POLR3B: variants seen among roughly 807,000 people sequenced by gnomAD.
POLR3B encodes RNA polymerase III subunit B, also known as DNA-directed RNA polymerase III subunit RPC2.
In POLR3B, 96 loss-of-function variants were observed where a neutral mutation model predicts 147.4. The observed-to-expected ratio is 0.65, with a 90% CI of 0.55 to 0.77. The LOEUF (loss-of-function observed/expected upper bound fraction) is 0.77. Among genes scored for constraint, POLR3B ranks in the 30% least tolerant of loss-of-function variants. The probability of loss-of-function intolerance (pLI) is 0.00; values close to 1 mark genes in which losing one functional copy is unlikely to be tolerated. For synonymous variants in POLR3B, 461 were observed against 485.9 expected (o/e 0.95, Z 0.67); for missense variants, 1,036 against 1,413.5 (o/e 0.73, Z 4.28).
intron 7 of POLR3B, among the ~76,000 whole-genome samples, chr12:106,377,719 C>T (rs575656804): frequency 1.3e-5 from 2 of 152,208 alleles, no homozygotes; most frequent in African/African-American, 4.8e-5. Context: ...ATTCATAGAC[C>T]AATAAGATAC....
intron 23 of POLR3B, among the ~76,000 whole-genome samples, chr12:106,490,426 T>TAAAAA (rs2038392521): frequency 6.6e-6 from 1 of 152,222 alleles, no homozygotes; most frequent in Non-Finnish European, 1.5e-5. Flanking sequence ...AACTGTATTG[T>TAAAAA]CTTCTAGCGC....
chr12:106,504,022 C>G lies in POLR3B; in HGVS notation c.3099-59C>G. On this transcript the variant is annotated intron_variant, in intron 26 of 27. Coordinates refer to ENST00000228347, the MANE Select transcript of POLR3B (RefSeq NM_018082.6). The surrounding 1 kb of genome is among the most constrained non-coding windows in gnomAD (Gnocchi z 4.6). The stretch of plus-strand genomic sequence containing the variant: ...TCGTGCTCTCTGCCAGCATGTGATG[C>G]TACCTCTTTGTTTGTTTAACAGAAT... The G allele has an allele frequency of 6.7e-7, 1 of 1,497,908 alleles. No homozygotes were observed. The highest frequency in any genetic ancestry group is 9.3e-7 in the Non-Finnish European group (1 of 1,073,992). 92.8% of individuals were successfully genotyped at this position (1,497,908 alleles called of 1,614,324 possible).
chr12:106,491,213 A>G (rs2038404356), intron 23 of POLR3B, among the ~76,000 whole-genome samples: 1 of 152,196 alleles, frequency 6.6e-6, no homozygotes, highest in Admixed American at 6.5e-5. Flanking sequence ...TTGCTTCATG[A>G]GATAGGTGCT....
At chr12:106,494,068 C>G (rs1209709560) in intron 23 of POLR3B, among the ~76,000 whole-genome samples, 1 of 151,946 alleles carries the variant, frequency 6.6e-6, no homozygotes, top group Non-Finnish European at 1.5e-5. Flanking sequence ...AACAACTTCC[C>G]CAGAAGGAAG....
intron 9 of POLR3B, among the ~76,000 whole-genome samples, chr12:106,388,200 T>C (rs939869327): frequency 6.6e-6 from 1 of 152,244 alleles, no homozygotes; most frequent in Non-Finnish European, 1.5e-5. Context: ...ACATTTTGTA[T>C]TCCCAAGTAT....
Position 106,357,860 on chromosome 12 carries a change from C to T in POLR3B, c.-20C>T, listed in dbSNP as rs373504825. 79 of 1,611,860 alleles carry T rather than the reference C, an allele frequency of 4.9e-5. No homozygotes were observed. The South Asian group carries it at 5.0e-4, about 10-fold the overall frequency. On this transcript the variant is annotated 5_prime_UTR_variant, in exon 1 of 28. Transcript: ENST00000228347. Reference sequence around the variant, plus strand: ...GCGGGCGCGGAGGTTCTATCTGTTTCTTCCTCCTTCGTGAGCAGCATGGAC... The same window carrying T: ...GCGGGCGCGGAGGTTCTATCTGTTTTTTCCTCCTTCGTGAGCAGCATGGAC...
chr12:106,424,540 A>G (rs1213458864), intron 12 of POLR3B, among the ~76,000 whole-genome samples: 2 of 152,210 alleles, frequency 1.3e-5, no homozygotes, highest in African/African-American at 4.8e-5. Flanking sequence ...ATTTTTTAAT[A>G]AAGAGTACTT....
At chr12:106,416,861 T>G (rs1417454814) in intron 12 of POLR3B, among the ~76,000 whole-genome samples, 1 of 151,982 alleles carries the variant, frequency 6.6e-6, no homozygotes, top group Non-Finnish European at 1.5e-5. Flanking sequence ...TTCTCAAACA[T>G]ACCATAATGC....
At chr12:106,495,883 C>A in intron 23 of POLR3B, 172 bp from the exon 24 acceptor site, 124 of 694,346 alleles carry the variant, frequency 1.8e-4, no homozygotes, top group East Asian at 2.4e-4. Context: ...CGTTTTTGAA[C>A]TGTTTGTCAA....
At chr12:106,433,913 T>A in intron 16 of POLR3B, 41 bp downstream of exon 16, 1 of 1,516,764 alleles carries the variant, frequency 6.6e-7, no homozygotes, top group Non-Finnish European at 9.1e-7. Flanking sequence ...TAAGAATCTC[T>A]TTATATTTGC....
intron 9 of POLR3B, among the ~76,000 whole-genome samples, chr12:106,387,835 G>C (rs184239551): frequency 6.6e-6 from 1 of 152,334 alleles, no homozygotes; most frequent in Admixed American, 6.5e-5. Context: ...GAGAGTTGCT[G>C]TGAAGAGCAA....
At chr12:106,483,352 G>A (rs1007644858) in intron 23 of POLR3B, among the ~76,000 whole-genome samples, 1 of 152,122 alleles carries the variant, frequency 6.6e-6, no homozygotes, top group Non-Finnish European at 1.5e-5. Flanking sequence ...AAACCTATTC[G>A]GTCATTTTTA....
intron 13 of POLR3B, among the ~76,000 whole-genome samples, 170 bp from the exon 14 acceptor site, chr12:106,430,103 A>C (rs970441890): frequency 6.6e-6 from 1 of 152,218 alleles, no homozygotes; most frequent in Non-Finnish European, 1.5e-5. Flanking sequence ...CCAGCAAGTG[A>C]CTTGACTAAA....
At chr12:106,465,077 A>C (rs1227271211) in intron 23 of POLR3B, among the ~76,000 whole-genome samples, 1 of 152,112 alleles carries the variant, frequency 6.6e-6, no homozygotes, top group Non-Finnish European at 1.5e-5. Context: ...TGAGTTTCTA[A>C]TGTTTTATAT....
intron 9 of POLR3B, among the ~76,000 whole-genome samples, chr12:106,388,199 A>G (rs2036866116): frequency 6.6e-6 from 1 of 152,192 alleles, no homozygotes; most frequent in African/African-American, 2.4e-5. Context: ...TACATTTTGT[A>G]TTCCCAAGTA....
chr12:106,396,917 C>T (rs1393859016), intron 10 of POLR3B, among the ~76,000 whole-genome samples: 1 of 151,944 alleles, frequency 6.6e-6, no homozygotes, highest in African/African-American at 2.4e-5. Flanking sequence ...CATAGTGAGA[C>T]CCTGTTTCTA....
At chr12:106,357,996 C>A in intron 1 of POLR3B, 45 bp downstream of exon 1, 1 of 1,604,016 alleles carries the variant, frequency 6.2e-7, no homozygotes, top group African/African-American at 1.3e-5. Flanking sequence ...AGGATGCGCC[C>A]TGAGGGGGCG....
rs1057457305 is a variant in POLR3B at position 106,454,551 on chromosome 12, A to G, written c.2133A>G (p.Leu711=). The change falls in exon 20 of 28, where the codon CTA becomes CTG. Residue 711 remains leucine (L), a synonymous_variant. Transcript: ENST00000228347. ...ACAGAATTGATACTCTCATGTATCT[A>G]CTAGCATATCCACAAAAACCCATGG... The part of the protein sequence containing the change: ...QRNRIDTLMY[L]LAYPQKPMVK... 1.9e-6 allele frequency: 3 copies of G among 1,608,472 alleles called. No homozygotes were observed. The highest frequency in any genetic ancestry group is 2.6e-6 in the Non-Finnish European group (3 of 1,174,944).
intron 11 of POLR3B, among the ~76,000 whole-genome samples, chr12:106,408,358 T>A (rs79976430): frequency 6.6e-6 from 1 of 152,216 alleles, no homozygotes; most frequent in Non-Finnish European, 1.5e-5. Flanking sequence ...TATACTGGCC[T>A]TTCAGTTCCT....
Sources: gnomAD v4.1 joint callset for allele counts (sites outside exome capture counted in the v4.1 genomes callset) on GRCh38, gnomAD v4.1.1 for gene constraint, Gnocchi (gnomAD v3.1) non-coding constraint, MANE v1.5 for transcripts, NCBI Gene and HGNC (gene_info 2026-07-23, HGNC 2026-07-21) for gene names.